Variants in COQ2 observed in about 807,000 individuals in gnomAD.
COQ2 encodes the protein 4-hydroxybenzoate polyprenyltransferase, mitochondrial.
Under a neutral mutation model 35.7 loss-of-function variants are expected in COQ2, and 25 were observed. That is an observed-to-expected ratio of 0.70 (90% CI 0.51 to 0.98). COQ2 has a LOEUF of 0.98. Among genes scored for constraint, COQ2 ranks in the 50% least tolerant of loss-of-function variants. The pLI, the probability that COQ2 is intolerant of heterozygous loss-of-function variation, is 0.00. For synonymous variants in COQ2, 206 were observed against 186.2 expected (o/e 1.11, Z -0.86); for missense variants, 488 against 473.5 (o/e 1.03, Z -0.28).
intron 6 of COQ2, among the ~76,000 whole-genome samples, chr4:83,265,758 G>A (rs1409031255): frequency 6.6e-6 from 1 of 151,990 alleles, no homozygotes; most frequent in Non-Finnish European, 1.5e-5. Context: ...CTGCCTCCCA[G>A]GTTTCAAGTG....
chr4:83,272,877 A>G (rs1735080377), intron 3 of COQ2, among the ~76,000 whole-genome samples: 2 of 152,160 alleles, frequency 1.3e-5, no homozygotes, highest in Non-Finnish European at 2.9e-5. Flanking sequence ...TAACCTTCCA[A>G]AGGTATTGTC....
At chr4:83,264,453 C>A in intron 6 of COQ2, 90 bp from the exon 7 acceptor site, 3 of 1,452,652 alleles carry the variant, frequency 2.1e-6, no homozygotes, top group South Asian at 1.6e-5. Flanking sequence ...GAGAAAACAG[C>A]AAATACAAAA....
At chr4:83,277,345 C>T (rs116831104) in intron 2 of COQ2, among the ~76,000 whole-genome samples, 1,906 of 152,266 alleles carry the variant, frequency 0.013, 48 homozygotes, top group African/African-American at 0.044. Flanking sequence ...TGCTATCAAA[C>T]GCATACTCAT....
chr4:83,274,914 C>T (rs1735132302), intron 2 of COQ2, among the ~76,000 whole-genome samples: 1 of 152,156 alleles, frequency 6.6e-6, no homozygotes, highest in Admixed American at 6.6e-5. Context: ...TTCACTGATT[C>T]CTTCCTCTGT....
intron 1 of COQ2, chr4:83,283,515 C>T: frequency 1.0e-6 from 1 of 985,416 alleles, no homozygotes; most frequent in Non-Finnish European, 1.2e-6. Context: ...TCAACTTGTC[C>T]TTTGGAGTAT....
chr4:83,277,973 A>AACACAC (rs10595798), intron 2 of COQ2, among the ~76,000 whole-genome samples: 17 of 140,250 alleles, frequency 1.2e-4, no homozygotes, highest in Admixed American at 5.7e-4. Flanking sequence ...TCCATCTCAA[A>AACACAC]ACACACACAC....
At chr4:83,284,096 G>A in intron 1 of COQ2, 1 of 985,400 alleles carries the variant, frequency 1.0e-6, no homozygotes, top group South Asian at 4.7e-5. Flanking sequence ...ACAAGATTGC[G>A]GGGAGGATCA....
intron 6 of COQ2, among the ~76,000 whole-genome samples, chr4:83,264,703 T>C (rs945179298): frequency 2.0e-5 from 3 of 152,184 alleles, no homozygotes; most frequent in African/African-American, 7.2e-5. Context: ...TCCAAGCTGT[T>C]TCTTAAGAAT....
chr4:83,264,261 A>G lies in COQ2; in HGVS notation c.1054T>C (p.Leu352=). 2 of 1,608,740 alleles carry G rather than the reference A, an allele frequency of 1.2e-6. No homozygotes were observed. Among genetic ancestry groups the G allele is most frequent in the Non-Finnish European group, 1.7e-6 (2 of 1,177,984 alleles). ...IVFLGIVLGN[L]WKEKKTDKTK... ...TTGTCTGTCTTCTTTTCTTTCCACA[A>G]ATTCCCAAGGACAATCCCTAAAAAA... The change falls in exon 7 of 7, where the codon TTG becomes CTG. Residue 352 remains leucine (L), a synonymous_variant. Coordinates refer to ENST00000647002, the MANE Select transcript of COQ2 (RefSeq NM_001358921.2).
At chr4:83,270,067 G>A (rs150559207) in intron 4 of COQ2, 74 bp from the exon 5 acceptor site, 9 of 1,535,004 alleles carry the variant, frequency 5.9e-6, no homozygotes, top group South Asian at 2.3e-5. Context: ...GAGTGGCATC[G>A]GAGTGTGTTC....
At chr4:83,273,742 G>A (rs1735102392) in intron 2 of COQ2, 125 bp from the exon 3 acceptor site, 11 of 912,370 alleles carry the variant, frequency 1.2e-5, no homozygotes, top group African/African-American at 5.2e-5. Context: ...AACATTTTAA[G>A]TACTGTCAGA....
chr4:83,277,924 G>A (rs1047029967), intron 2 of COQ2, among the ~76,000 whole-genome samples: 4 of 151,050 alleles, frequency 2.6e-5, no homozygotes, highest in African/African-American at 4.9e-5. Context: ...AGCTGAGCTC[G>A]CACCACTGCA....
chr4:83,272,217 TTAGAAAC>T (rs1735066624), intron 3 of COQ2, 45 bp from the exon 4 acceptor site: 1 of 1,169,116 alleles, frequency 8.6e-7, no homozygotes. Context: ...CCACTACCTC[TTAGAAAC>T]CACGAAATAC....
In COQ2 at chr4:83,273,383, T is replaced by A. The variant is rs1454426638; in HGVS notation, c.542+113A>T. On this transcript the variant is annotated intron_variant, in intron 3 of 6. Coordinates refer to ENST00000647002, the MANE Select transcript of COQ2 (RefSeq NM_001358921.2). ...TTACTTACACTTGCTAACTTACAGATGCTTAATAAGTAGCAAATGAACAAC... is the reference window on the plus strand; with the variant it reads ...TTACTTACACTTGCTAACTTACAGAAGCTTAATAAGTAGCAAATGAACAAC... 4.6e-6 allele frequency: 5 copies of A among 1,095,532 alleles called. 1 individual carries two copies. The African/African-American group carries it at 6.4e-5, about 14-fold the overall frequency. 67.9% of individuals were successfully genotyped at this position (1,095,532 alleles called of 1,614,324 possible).
rs370683088 is a variant in COQ2, at chr4:83,279,051, A to C, written c.317T>G (p.Phe106Cys). Residue 106 changes from phenylalanine to cysteine, a missense_variant, in exon 2 of 7, where the codon TTT becomes TGT. By Grantham distance (205) the Phe-to-Cys change is radical. Coordinates refer to ENST00000647002, the MANE Select transcript of COQ2 (RefSeq NM_001358921.2). ...SIGLAAEPGC[F>C]PDWYMLSLFG... ...GAGGGAGAGCATGTACCAATCTGGA[A>C]AACAACCTGGTTCAGCTGCCAAACC... is the stretch of plus-strand genomic sequence containing the variant. 6.2e-7 allele frequency: 1 copy of C among 1,600,522 alleles called. No individual in the cohort carries two copies. Among genetic ancestry groups the C allele is most frequent in the Non-Finnish European group, 8.5e-7 (1 of 1,173,396 alleles).
intron 6 of COQ2, chr4:83,266,915 C>T (rs934553005): frequency 3.5e-6 from 1 of 284,480 alleles, no homozygotes; most frequent in Non-Finnish European, 6.9e-6. Context: ...TCACTAGAAA[C>T]CCAGATTTTT....
At position 83,276,103 on chromosome 4, in the gene COQ2, T is replaced by C. The variant is rs949925467; in HGVS notation, c.421-2486A>G. 2.8e-5 allele frequency among the ~76,000 whole-genome samples: 4 copies of C among 141,744 alleles called. No homozygotes were observed. The East Asian group carries it at 7.8e-4, about 28-fold the overall frequency. 93.0% of individuals were successfully genotyped at this position (141,744 alleles called of 152,430 possible). A position where few individuals can be genotyped will look rare whatever the true frequency, so the allele number is the denominator to read the frequency against. The stretch of plus-strand genomic sequence containing the variant: ...ATATATATATACATATTCATATATA[T>C]ACATATAGAGTGTACAGAATAAAAC... On this transcript the variant is annotated intron_variant, in intron 2 of 6. Transcript: ENST00000647002.
intron 4 of COQ2, 93 bp from the exon 5 acceptor site, chr4:83,270,086 T>G (rs1474464183): frequency 1.5e-6 from 2 of 1,365,008 alleles, no homozygotes; most frequent in Non-Finnish European, 2.0e-6. Flanking sequence ...TCAGTGCTCC[T>G]GGGTATCAGA....
In COQ2 at chr4:83,272,130, G is replaced by C. The variant is rs1553915525; in HGVS notation, c.585C>G (p.Tyr195Ter). The change falls in exon 4 of 7, where the codon TAC (tyrosine) becomes TAG (stop). Residue 195 changes from tyrosine (Y) to a stop codon, truncating the protein, a stop_gained. Coordinates refer to ENST00000647002, the MANE Select transcript of COQ2 (RefSeq NM_001358921.2). LOFTEE classifies it high-confidence loss of function. ...GAGSLLLVITYPLMKRISYWP... is the reference protein window; with the variant it reads ...GAGSLLLVIT ...AGTATGAAATTCTTTTCATTAGTGG[G>C]TAGGTGATGACAAGAAGTAAGGATC... The C allele has an allele frequency of 1.2e-5, 19 of 1,611,238 alleles. No individual in the cohort carries two copies. Among genetic ancestry groups the C allele is most frequent in the Non-Finnish European group, 1.6e-5 (19 of 1,178,666 alleles).
Sources: allele counts gnomAD v4.1 joint callset (sites outside exome capture counted in the v4.1 genomes callset), GRCh38; gene constraint gnomAD v4.1.1; transcripts MANE v1.5; gene names NCBI Gene and HGNC (gene_info 2026-07-23, HGNC 2026-07-21).